GFAP: variants seen among roughly 807,000 people sequenced by gnomAD.
GFAP encodes the protein intermediate filament protein.
In GFAP, 38 loss-of-function variants were observed where a neutral mutation model predicts 49.3. The ratio of observed to expected loss-of-function variants is 0.77; its 90% confidence interval spans 0.60 to 1.01. The LOEUF (loss-of-function observed/expected upper bound fraction) is 1.01, where lower values mean the gene tolerates loss of function less well. GFAP is among the 50% of genes least tolerant of loss of function. GFAP has a pLI of 0.00. For missense variants in GFAP, 463 were observed against 579.1 expected (o/e 0.80, Z 2.06); for synonymous variants, 222 against 236.4 (o/e 0.94, Z 0.56).
At position 44,903,259 on chromosome 17, in the gene GFAP, C is replaced by G. The variant is rs2051592376; in HGVS notation, c.*4088G>C. 1 of 1,250,480 alleles carries G rather than the reference C, an allele frequency of 8.0e-7. No individual in the cohort carries two copies. Among genetic ancestry groups the G allele is most frequent in the African/African-American group, 1.5e-5 (1 of 64,798 alleles). The allele number at this position is 1,250,480 out of a possible 1,614,324, so 77.5% of individuals were successfully genotyped here. A position where few individuals can be genotyped will look rare whatever the true frequency, so the allele number is the denominator to read the frequency against. On this transcript the variant is annotated 3_prime_UTR_variant, in exon 9 of 9. Coordinates refer to ENST00000588735, the MANE Select transcript of GFAP (RefSeq NM_002055.5). The stretch of plus-strand genomic sequence containing the variant: ...CCAAACCAATGAATGGACATGTAAT[C>G]AACAAATGATCAAATACTACATCAT...
chr17:44,911,878 C>T, intron 4 of GFAP, 81 bp from the exon 5 acceptor site: 1 of 1,464,474 alleles, frequency 6.8e-7, no homozygotes, highest in Non-Finnish European at 9.4e-7. Context: ...GTGAGCAGCA[C>T]CCCAGTTAAC....
At chr17:44,913,073 A>G (rs900369549) in intron 4 of GFAP, 196 bp downstream of exon 4, 3 of 653,446 alleles carry the variant, frequency 4.6e-6, no homozygotes, top group Non-Finnish European at 8.3e-6. Flanking sequence ...TAGCAATAGT[A>G]GCAGTAATAA....
At chr17:44,910,529 C>T (rs1160399582) in intron 7 of GFAP, 86 bp downstream of exon 7, 1 of 1,553,208 alleles carries the variant, frequency 6.4e-7, no homozygotes, top group South Asian at 1.2e-5. Flanking sequence ...TGCCCTGATC[C>T]TCAGTCCCAG....
rs550549110 is a variant in GFAP at position 44,903,322 on chromosome 17, G to T, written c.*4025C>A. 2.4e-6 allele frequency: 3 copies of T among 1,246,712 alleles called. No homozygotes were observed. Among genetic ancestry groups the T allele is most frequent in the African/African-American group, 1.5e-5 (1 of 64,662 alleles). The allele number at this position is 1,246,712 out of a possible 1,614,324, so 77.2% of individuals were successfully genotyped here. On this transcript the variant is annotated 3_prime_UTR_variant, in exon 9 of 9. Transcript: ENST00000588735. ...ATTTTCCCCTAGAGACTCAGTTCTT[G>T]TGCAGGTTGGGCCTGGGAAAGTCCC...
At chr17:44,914,297 T>A in intron 1 of GFAP, 1 of 584,646 alleles carries the variant, frequency 1.7e-6, no homozygotes, top group East Asian at 2.8e-5. Flanking sequence ...ATTACTAAGG[T>A]GCCTTATCAG....
At position 44,911,233 on chromosome 17, in the gene GFAP, C is replaced by T; in HGVS notation, c.1127+3G>A. ...TTCCCCAGGGGCTGTGATGAGGGCTCACCGGTTCTCCTCGCCCTCTAGCAG... is the reference window on the plus strand; with the variant it reads ...TTCCCCAGGGGCTGTGATGAGGGCTTACCGGTTCTCCTCGCCCTCTAGCAG... On this transcript the variant is annotated splice_donor_region_variant and intron_variant, in intron 6 of 8. Transcript: ENST00000588735. 6.2e-7 allele frequency: 1 copy of T among 1,613,118 alleles called. No individual in the cohort carries two copies. Among genetic ancestry groups the T allele is most frequent in the African/African-American group, 1.3e-5 (1 of 75,016 alleles).
intron 7 of GFAP, chr17:44,909,658 C>T: frequency 3.8e-6 from 1 of 260,450 alleles, no homozygotes; most frequent in African/African-American, 2.6e-5. Flanking sequence ...TATAACACGT[C>T]ACATTCACTA....
At chr17:44,911,567 C>T (rs1196699574) in intron 5 of GFAP, 105 bp downstream of exon 5, 5 of 1,573,292 alleles carry the variant, frequency 3.2e-6, no homozygotes, top group Middle Eastern at 2.3e-4. Flanking sequence ...AACGTTCAGG[C>T]CCCGCCCTCG....
At position 44,903,692 on chromosome 17, in the gene GFAP, C is replaced by A. The variant is rs1365983227; in HGVS notation, c.*3655G>T. ...GCCTTGCACTTGGCGGCTTCCTCTG[C>A]AGATTGTTGCTGCTTTTCCTGGCTG... On this transcript the variant is annotated 3_prime_UTR_variant, in exon 9 of 9. Coordinates refer to ENST00000588735, the MANE Select transcript of GFAP (RefSeq NM_002055.5). 7 of 1,437,834 alleles carry A rather than the reference C, an allele frequency of 4.9e-6. No homozygotes were observed. The highest frequency in any genetic ancestry group is 6.4e-6 in the Non-Finnish European group (7 of 1,101,580). The allele number at this position is 1,437,834 out of a possible 1,614,324, so 89.1% of individuals were successfully genotyped here.
At position 44,915,487 on chromosome 17, in the gene GFAP, C is replaced by T. The variant is rs370571565; in HGVS notation, c.-1G>A. 518 of 1,568,584 alleles carry T rather than the reference C, an allele frequency of 3.3e-4. No individual in the cohort carries two copies. The highest frequency in any genetic ancestry group is 4.1e-4 in the Non-Finnish European group (474 of 1,158,116). On this transcript the variant is annotated 5_prime_UTR_variant, in exon 1 of 9. Coordinates refer to ENST00000588735, the MANE Select transcript of GFAP (RefSeq NM_002055.5). This position sits in a 1 kb window ranked among gnomAD's most constrained non-coding sequence, Gnocchi z 4.1. ...CGGAGGTGATGCGTCTCCTCTCCAT[C>T]CTGCTCTGGCTCTGCTCGCTCCTGG...
Position 44,905,910 on chromosome 17 carries a change from T to C in GFAP, c.*1437A>G. On this transcript the variant is annotated 3_prime_UTR_variant, in exon 9 of 9. Transcript: ENST00000588735. ...TGCACTGGGGTGGACGTGTCAGCCCTGAGCACCCGGCCTCCAGGCTGCAGG... is the reference window on the plus strand; with the variant it reads ...TGCACTGGGGTGGACGTGTCAGCCCCGAGCACCCGGCCTCCAGGCTGCAGG... The C allele has an allele frequency of 6.6e-6, 1 of 152,448 alleles. No homozygotes were observed. The highest frequency in any genetic ancestry group is 1.5e-5 in the Non-Finnish European group (1 of 68,126). 9.4% of individuals were successfully genotyped at this position (152,448 alleles called of 1,614,324 possible).
Position 44,903,805 on chromosome 17 carries a change from C to T in GFAP, c.*3542G>A, listed in dbSNP as rs1237072531. ...TTTAATGCCCTGGTTTTGCCCTGCC[C>T]CTCTGACCCCTGCCTCCTTCAGGTA... is the stretch of plus-strand genomic sequence containing the variant. On this transcript the variant is annotated 3_prime_UTR_variant, in exon 9 of 9. Coordinates refer to ENST00000588735, the MANE Select transcript of GFAP (RefSeq NM_002055.5). 6.5e-7 allele frequency: 1 copy of T among 1,539,806 alleles called. No homozygotes were observed. The highest frequency in any genetic ancestry group is 1.4e-5 in the African/African-American group (1 of 72,702).
intron 7 of GFAP, chr17:44,910,136 C>T: frequency 6.2e-7 from 1 of 1,614,004 alleles, no homozygotes; most frequent in East Asian, 2.2e-5. Flanking sequence ...AGGCAGGCAG[C>T]TAACCGCGAG....
At chr17:44,911,591 T>TGGCCCTCGC (rs2051769178) in intron 5 of GFAP, 81 bp downstream of exon 5, 1 of 1,587,758 alleles carries the variant, frequency 6.3e-7, no homozygotes, top group Non-Finnish European at 8.5e-7. Context: ...CAGGTCCTCG[T>TGGCCCTCGC]CCCTGGCCCT....
In GFAP at chr17:44,903,580, C is replaced by T; in HGVS notation, c.*3767G>A. 7 of 1,392,972 alleles carry T rather than the reference C, an allele frequency of 5.0e-6. No individual in the cohort carries two copies. The highest frequency in any genetic ancestry group is 5.6e-6 in the Non-Finnish European group (6 of 1,080,366). 86.3% of individuals were successfully genotyped at this position (1,392,972 alleles called of 1,614,324 possible). On this transcript the variant is annotated 3_prime_UTR_variant, in exon 9 of 9. Transcript: ENST00000588735. ...GTGTTCTAGAAAGGGGAGTAAAGGCCAGGTTCTAGAATGGCTTTCCCCCCC... is the reference window on the plus strand; with the variant it reads ...GTGTTCTAGAAAGGGGAGTAAAGGCTAGGTTCTAGAATGGCTTTCCCCCCC...
Position 44,904,879 on chromosome 17 carries a change from G to A in GFAP, c.*2468C>T. The A allele has an allele frequency of 6.4e-7, 1 of 1,550,656 alleles. No individual in the cohort carries two copies. Among genetic ancestry groups the A allele is most frequent in the Non-Finnish European group, 8.7e-7 (1 of 1,146,980 alleles). On this transcript the variant is annotated 3_prime_UTR_variant, in exon 9 of 9. Coordinates refer to ENST00000588735, the MANE Select transcript of GFAP (RefSeq NM_002055.5). The stretch of plus-strand genomic sequence containing the variant: ...TCTACTATTGCTGGAGGCAGGGTGT[G>A]CTAGTTGCTGGCTTCCGGCTGGGTG...
At chr17:44,913,864 G>C (rs775293988) in intron 2 of GFAP, 41 bp from the exon 3 acceptor site, 1 of 1,537,128 alleles carries the variant, frequency 6.5e-7, no homozygotes, top group African/African-American at 1.4e-5. Context: ...GGCCACTGGG[G>C]CCCCAGGCTC....
At chr17:44,910,768 A>G in intron 6 of GFAP, 110 bp from the exon 7 acceptor site, 1 of 1,486,910 alleles carries the variant, frequency 6.7e-7, no homozygotes, top group Non-Finnish European at 9.1e-7. Flanking sequence ...CTTGCCAGGA[A>G]AGTCTAACTC....
rs767271541 is a variant in GFAP, at chr17:44,908,099, T to C, written c.1222A>G (p.Ile408Val). Residue 408 changes from isoleucine (I) to valine (V), a missense_variant, in exon 8 of 9, where the codon ATC (isoleucine) becomes GTC (valine). By Grantham distance (29) the Ile-to-Val change is conservative. Transcript: ENST00000588735. ...CGCATCTCCACGGTCTTCACCACGA[T>C]GTTCCTCTTGAGGTGGCCTTCTGAC... ...SVSEGHLKRN[I>V]VVKTVEMRDG... The C allele has an allele frequency of 1.4e-5, 22 of 1,609,398 alleles. No individual in the cohort carries two copies. The highest frequency in any genetic ancestry group is 8.5e-7 in the Non-Finnish European group (1 of 1,176,048).
Sources: allele counts gnomAD v4.1 joint callset, GRCh38; gene constraint gnomAD v4.1.1; non-coding constraint Gnocchi (gnomAD v3.1); transcripts MANE v1.5; gene names NCBI Gene and HGNC (gene_info 2026-07-23, HGNC 2026-07-21).